The following NKAIN1 variants were observed in gnomAD, a reference collection of about 807,000 sequenced individuals.
The protein encoded by NKAIN1 is sodium/potassium-transporting ATPase subunit beta-1-interacting protein 1.
A neutral mutation model predicts 31.6 loss-of-function variants in NKAIN1; 13 were observed. That is an observed-to-expected ratio of 0.41 (90% CI 0.27 to 0.65). The LOEUF (loss-of-function observed/expected upper bound fraction) is 0.65, where lower values mean the gene tolerates loss of function less well. NKAIN1 is among the 30% of genes least tolerant of loss of function. NKAIN1 has a pLI of 0.30. For synonymous variants in NKAIN1, 104 were observed against 109.0 expected (o/e 0.95, Z 0.28); for missense variants, 193 against 262.2 (o/e 0.74, Z 1.82).
intron 1 of NKAIN1, among the ~76,000 whole-genome samples, chr1:31,208,216 A>G (rs1422602142): frequency 6.6e-6 from 1 of 152,148 alleles, no homozygotes; most frequent in Non-Finnish European, 1.5e-5. Flanking sequence ...CCTCATCTAT[A>G]AAAAGGAAAA....
At chr1:31,237,988 AACAG>A (rs1321744129) in intron 1 of NKAIN1, among the ~76,000 whole-genome samples, 10 of 152,186 alleles carry the variant, frequency 6.6e-5, no homozygotes, top group Admixed American at 1.3e-4. Flanking sequence ...GATAAAGAAA[AACAG>A]ACAATCTCTG....
chr1:31,226,620 G>A (rs1483788345), intron 1 of NKAIN1, among the ~76,000 whole-genome samples: 1 of 151,780 alleles, frequency 6.6e-6, no homozygotes, highest in Non-Finnish European at 1.5e-5. Context: ...CGCCTCCCGG[G>A]TTCAAGCAAT....
At chr1:31,232,900 C>T (rs1320657808) in intron 1 of NKAIN1, among the ~76,000 whole-genome samples, 1 of 152,026 alleles carries the variant, frequency 6.6e-6, no homozygotes, top group African/African-American at 2.4e-5. Context: ...CTCAGTATGT[C>T]CATCAGTTAA....
At chr1:31,210,535 C>T (rs112078312) in intron 1 of NKAIN1, among the ~76,000 whole-genome samples, 11,267 of 152,152 alleles carry the variant, frequency 0.074, 1,012 homozygotes, top group African/African-American at 0.22. Context: ...GTGATCCACC[C>T]GCCTTGGCCT....
chr1:31,200,791 A>T (rs1406815167), intron 1 of NKAIN1, among the ~76,000 whole-genome samples: 1 of 151,212 alleles, frequency 6.6e-6, no homozygotes, highest in Admixed American at 6.6e-5. Context: ...TTTGATCTAG[A>T]CAGTATTCTG....
intron 1 of NKAIN1, among the ~76,000 whole-genome samples, chr1:31,189,517 A>G (rs1645269919): frequency 6.6e-6 from 1 of 152,086 alleles, no homozygotes; most frequent in South Asian, 2.1e-4. Flanking sequence ...GAGTTTCACC[A>G]TGTTGGCCAG....
At chr1:31,199,953 T>G (rs1645364082) in intron 1 of NKAIN1, among the ~76,000 whole-genome samples, 1 of 152,094 alleles carries the variant, frequency 6.6e-6, no homozygotes, top group African/African-American at 2.4e-5. Flanking sequence ...CCCTCCACTG[T>G]GCCTAGGGAC....
intron 1 of NKAIN1, among the ~76,000 whole-genome samples, chr1:31,197,399 C>T (rs985384944): frequency 6.6e-6 from 1 of 152,074 alleles, no homozygotes; most frequent in South Asian, 2.1e-4. Flanking sequence ...GCGTGAGCTA[C>T]CACGTCTGGC....
chr1:31,196,480 T>G (rs1164702495), intron 1 of NKAIN1, among the ~76,000 whole-genome samples: 2 of 130,754 alleles, frequency 1.5e-5, no homozygotes, highest in Non-Finnish European at 3.1e-5. Context: ...GCCACTGCAC[T>G]CCAGCCTGGG....
chr1:31,226,955 G>T (rs1415426466), intron 1 of NKAIN1, among the ~76,000 whole-genome samples: 1 of 151,740 alleles, frequency 6.6e-6, no homozygotes, highest in Non-Finnish European at 1.5e-5. Context: ...CTCCTGAATA[G>T]CTGGGATTAC....
chr1:31,212,723 A>C (rs892817262), intron 1 of NKAIN1, among the ~76,000 whole-genome samples: 1 of 147,344 alleles, frequency 6.8e-6, no homozygotes, highest in African/African-American at 2.4e-5. Flanking sequence ...AAGCTTGGCC[A>C]GGCCCGGTGG....
At chr1:31,214,299 T>C (rs943034590) in intron 1 of NKAIN1, among the ~76,000 whole-genome samples, 1 of 151,854 alleles carries the variant, frequency 6.6e-6, no homozygotes, top group African/African-American at 2.4e-5. Context: ...GGGGAGTGAC[T>C]GCTAATGGGT....
At chr1:31,225,033 C>CTTTTCTTTTCTTTTTTTTT (rs542671307) in intron 1 of NKAIN1, among the ~76,000 whole-genome samples, 3 of 112,132 alleles carry the variant, frequency 2.7e-5, no homozygotes, top group Non-Finnish European at 5.1e-5. Flanking sequence ...CTTTTCTTTT[C>CTTTTCTTTTCTTTTTTTTT]TTTTTTTTTT....
chr1:31,196,165 G>T lies in NKAIN1; in HGVS notation c.55-7978C>A, dbSNP rs144656372. ...AGACCGAGGTGGGTGGATCACTTGA[G>T]GTCAAGAGTTTGAGACCAGCCTGGC... is the stretch of plus-strand genomic sequence containing the variant. On this transcript the variant is annotated intron_variant, in intron 1 of 6. Transcript: ENST00000373736. Among the ~76,000 whole-genome samples, 636 of 151,912 alleles carry T rather than the reference G, an allele frequency of 4.2e-3. 37 individuals carry two copies. In the East Asian group the frequency reaches 0.099, roughly 24 times the overall value.
rs574772945 is a variant in NKAIN1, at chr1:31,239,760, C to T, written c.-213G>A. The stretch of plus-strand genomic sequence containing the variant: ...ATGGTCCGTCCGTCCGCGCGCTGGC[C>T]CCGCCGAGCCGCGCCTCCTTTGTCT... On this transcript the variant is annotated 5_prime_UTR_variant, in exon 1 of 7. Transcript: ENST00000373736. This position sits in a 1 kb window ranked among gnomAD's most constrained non-coding sequence, Gnocchi z 4.8. 5.7e-4 allele frequency among the ~76,000 whole-genome samples: 87 copies of T among 151,556 alleles called. No individual in the cohort carries two copies. The highest frequency in any genetic ancestry group is 1.9e-3 in the African/African-American group (80 of 41,462).
rs752762181 is a variant in NKAIN1, at chr1:31,182,585, G to T, written c.477C>A (p.Phe159Leu). The change falls in exon 5 of 7, where the codon TTC becomes TTA. Residue 159 changes from phenylalanine to leucine, a missense_variant. Physicochemically the swap from Phe to Leu is conservative, Grantham distance 22. Coordinates refer to ENST00000373736, the MANE Select transcript of NKAIN1 (RefSeq NM_024522.3). ...TCACGTAGCAGGCGAACACGAAGCC[G>T]AACAGCTGGGAGTGGAGATGACACG... ...SSALQIFLAL[F>L]GFVFACYVSK... The T allele has an allele frequency of 5.6e-6, 9 of 1,614,100 alleles. No homozygotes were observed. Among genetic ancestry groups the T allele is most frequent in the Non-Finnish European group, 7.6e-6 (9 of 1,179,974 alleles).
rs191399913 is a variant in NKAIN1 at position 31,223,107 on chromosome 1, C to T, written c.54+16387G>A. Among the ~76,000 whole-genome samples the T allele has an allele frequency of 7.9e-4, 120 of 152,090 alleles. 1 individual carries two copies. The highest frequency in any genetic ancestry group is 2.2e-3 in the Admixed American group (34 of 15,272). ...ATGCTCCATAAACGGCCAGGCGCGG[C>T]GGCTCACGCCTGTAATCCCAGCACT... On this transcript the variant is annotated intron_variant, in intron 1 of 6. Transcript: ENST00000373736.
At chr1:31,197,403 G>A (rs962570447) in intron 1 of NKAIN1, among the ~76,000 whole-genome samples, 2 of 152,036 alleles carry the variant, frequency 1.3e-5, no homozygotes, top group East Asian at 1.9e-4. Context: ...GAGCTACCAC[G>A]TCTGGCCTAA....
At chr1:31,190,152 A>G (rs941854005) in intron 1 of NKAIN1, among the ~76,000 whole-genome samples, 1 of 152,212 alleles carries the variant, frequency 6.6e-6, no homozygotes, top group African/African-American at 2.4e-5. Context: ...AGAAGATATA[A>G]GAAGCCTTTT....
Sources: allele counts gnomAD v4.1 joint callset (sites outside exome capture counted in the v4.1 genomes callset), GRCh38; gene constraint gnomAD v4.1.1; non-coding constraint Gnocchi (gnomAD v3.1); transcripts MANE v1.5; gene names NCBI Gene and HGNC (gene_info 2026-07-23, HGNC 2026-07-21).